Variants in UNC13A observed in about 807,000 individuals in gnomAD.
UNC13A encodes unc-13 homolog A, also known as protein unc-13 homolog A.
UNC13A carries 61 observed loss-of-function variants against 219.7 expected under a neutral mutation model. The ratio of observed to expected loss-of-function variants is 0.28; its 90% confidence interval spans 0.23 to 0.34. The LOEUF is 0.34. Among genes scored for constraint, UNC13A ranks in the 10% least tolerant of loss-of-function variants. The pLI is 1.00. For missense variants in UNC13A, 1,476 were observed against 2,270.3 expected (o/e 0.65, Z 7.11); for synonymous variants, 920 against 884.6 (o/e 1.04, Z -0.71).
rs1796844302 is a variant in UNC13A at position 17,666,716 on chromosome 19, G to A, written c.469-12C>T. The A allele has an allele frequency of 6.6e-7, 1 of 1,515,592 alleles. No individual in the cohort carries two copies. Among genetic ancestry groups the A allele is most frequent in the Admixed American group, 2.0e-5 (1 of 49,520 alleles). 93.9% of individuals were successfully genotyped at this position (1,515,592 alleles called of 1,614,324 possible). A position where few individuals can be genotyped will look rare whatever the true frequency, so the allele number is the denominator to read the frequency against. ...TCTTGGAACGAATACTGAAGGGGTG[G>A]AGGAAGGAGAAAGGGCTTCTCTCAG... On this transcript the variant is annotated splice_polypyrimidine_tract_variant and intron_variant, in intron 6 of 43. Transcript: ENST00000519716.
chr19:17,655,489 G>C (rs1398471580), intron 10 of UNC13A, 107 bp from the exon 11 acceptor site: 2 of 927,978 alleles, frequency 2.2e-6, no homozygotes, highest in Non-Finnish European at 3.3e-6. Flanking sequence ...TGGTATCTCT[G>C]ACCCCTCAGA....
chr19:17,670,573 C>T (rs1054282956), intron 4 of UNC13A, among the ~76,000 whole-genome samples: 11 of 151,440 alleles, frequency 7.3e-5, no homozygotes, highest in African/African-American at 2.4e-4. Context: ...TAGATTGTTG[C>T]AACCATTTCG....
intron 1 of UNC13A, among the ~76,000 whole-genome samples, chr19:17,679,440 G>C (rs1025217870): frequency 1.3e-5 from 2 of 151,182 alleles, no homozygotes; most frequent in Non-Finnish European, 2.9e-5. Flanking sequence ...AAAGAGAGAG[G>C]GGGAAAGATT....
At chr19:17,646,931 C>T (rs1445687207) in intron 17 of UNC13A, among the ~76,000 whole-genome samples, 2 of 152,176 alleles carry the variant, frequency 1.3e-5, no homozygotes, top group Non-Finnish European at 2.9e-5. Flanking sequence ...ACGGCATCTC[C>T]TTCAGGACTC....
At chr19:17,668,429 G>A (rs1241163413) in intron 5 of UNC13A, among the ~76,000 whole-genome samples, 1 of 152,184 alleles carries the variant, frequency 6.6e-6, no homozygotes, top group African/African-American at 2.4e-5. Flanking sequence ...AGGATGACAG[G>A]AGATGGTTCC....
rs1441052909 is a variant in UNC13A, at chr19:17,624,810, G to A, written c.4197+19C>T. The stretch of plus-strand genomic sequence containing the variant: ...GGGAGGTGGCCTAAATGTCCCCTCG[G>A]GCCCCCTGCAGGTCTCACCGTCTGG... On this transcript the variant is annotated intron_variant, in intron 35 of 43. Coordinates refer to ENST00000519716, the MANE Select transcript of UNC13A (RefSeq NM_001080421.3). The A allele has an allele frequency of 1.2e-6, 2 of 1,605,570 alleles. No individual in the cohort carries two copies. The highest frequency in any genetic ancestry group is 1.7e-6 in the Non-Finnish European group (2 of 1,175,154).
chr19:17,657,399 C>T (rs1599387336), intron 9 of UNC13A, among the ~76,000 whole-genome samples: 2 of 152,152 alleles, frequency 1.3e-5, no homozygotes, highest in Admixed American at 1.3e-4. Flanking sequence ...TGTGCAAATG[C>T]CCCCCACTGT....
intron 3 of UNC13A, among the ~76,000 whole-genome samples, chr19:17,673,126 G>A (rs1274961215): frequency 6.6e-6 from 1 of 152,110 alleles, no homozygotes; most frequent in Non-Finnish European, 1.5e-5. Context: ...GGGAGGCCGA[G>A]ATGGGCGGAT....
chr19:17,623,805 G>A (rs1009864511), intron 35 of UNC13A, among the ~76,000 whole-genome samples: 1 of 152,150 alleles, frequency 6.6e-6, no homozygotes, highest in African/African-American at 2.4e-5. Flanking sequence ...TGTGCCCACA[G>A]CCCACATGCC....
chr19:17,648,382 G>A (rs566817955), intron 16 of UNC13A, 49 bp downstream of exon 16: 14 of 1,088,578 alleles, frequency 1.3e-5, no homozygotes, highest in East Asian at 9.4e-5. Context: ...TGCAAGCCCC[G>A]GGGCTCCCCA....
chr19:17,619,020 C>T (rs2076698353), intron 38 of UNC13A, 58 bp from the exon 39 acceptor site: 1 of 1,526,050 alleles, frequency 6.6e-7, no homozygotes, highest in Non-Finnish European at 9.1e-7. Flanking sequence ...GACACTCCAG[C>T]CCCAGAGACC....
chr19:17,622,286 A>C (rs553851065), intron 36 of UNC13A, among the ~76,000 whole-genome samples: 97 of 152,328 alleles, frequency 6.4e-4, no homozygotes, highest in African/African-American at 2.2e-3. Flanking sequence ...TATATTTACT[A>C]TATGACCTTG....
rs1359419349 is a variant in UNC13A at position 17,676,027 on chromosome 19, A to G, written c.37T>C (p.Phe13Leu). The change falls in exon 2 of 44, where the codon TTT becomes CTT. Residue 13 changes from phenylalanine to leucine, a missense_variant. Physicochemically the swap from Phe to Leu is conservative, Grantham distance 22. Coordinates refer to ENST00000519716, the MANE Select transcript of UNC13A (RefSeq NM_001080421.3). ...AGCCACTTACCTTGGGCACCATCAA[A>G]CTTGGCTTTTTTGACTGTGGAGAGA... ...LLCVGVKKAK[F>L]DGAQEKFNTY... 1.2e-5 allele frequency: 19 copies of G among 1,551,436 alleles called. No homozygotes were observed. The highest frequency in any genetic ancestry group is 1.7e-5 in the Non-Finnish European group (19 of 1,146,984).
At chr19:17,638,242 A>G (rs1269078810) in intron 25 of UNC13A, among the ~76,000 whole-genome samples, 3 of 152,132 alleles carry the variant, frequency 2.0e-5, no homozygotes, top group Non-Finnish European at 2.9e-5. Flanking sequence ...TGGGAGGCTG[A>G]GGCAGGAGGA....
At chr19:17,676,242 G>C (rs2079897260) in intron 1 of UNC13A, 1 of 695,906 alleles carries the variant, frequency 1.4e-6, no homozygotes, top group Admixed American at 2.0e-5. Context: ...AGAGACAAGG[G>C]GAGGAGGAGA....
intron 8 of UNC13A, among the ~76,000 whole-genome samples, chr19:17,662,828 G>A (rs2079574734): frequency 6.6e-6 from 1 of 151,520 alleles, no homozygotes; most frequent in Admixed American, 6.6e-5. Flanking sequence ...GCTGAGGCAG[G>A]AGAATGGCGT....
At position 17,674,783 on chromosome 19, in the gene UNC13A, G is replaced by T; in HGVS notation, c.53-27C>A. ...TGTGGCAGTGAGAGTAGGGGTCAGC[G>T]CTGGGGCTCAGGGACTCTCCAATGC... On this transcript the variant is annotated intron_variant, in intron 2 of 43. Coordinates refer to ENST00000519716, the MANE Select transcript of UNC13A (RefSeq NM_001080421.3). The surrounding 1 kb of genome is among the most constrained non-coding windows in gnomAD (Gnocchi z 5.0). 3 of 1,591,620 alleles carry T rather than the reference G, an allele frequency of 1.9e-6. No individual in the cohort carries two copies. Among genetic ancestry groups the T allele is most frequent in the Admixed American group, 3.3e-5 (2 of 59,932 alleles).
intron 3 of UNC13A, among the ~76,000 whole-genome samples, chr19:17,673,375 TATATATATATCTG>T (rs1000592509): frequency 8.2e-6 from 1 of 121,588 alleles, no homozygotes; most frequent in Non-Finnish European, 1.7e-5. Context: ...AAAAAAAAAG[TATATATATATCTG>T]ATATATATAT....
intron 9 of UNC13A, 27 bp from the exon 10 acceptor site, chr19:17,656,425 A>G: frequency 6.8e-7 from 1 of 1,480,004 alleles, no homozygotes; most frequent in African/African-American, 1.4e-5. Context: ...GGGTTCAGGG[A>G]CTGGGGTACC....
Sources: gnomAD v4.1 joint callset for allele counts (sites outside exome capture counted in the v4.1 genomes callset) on GRCh38, gnomAD v4.1.1 for gene constraint, Gnocchi (gnomAD v3.1) non-coding constraint, MANE v1.5 for transcripts, NCBI Gene and HGNC (gene_info 2026-07-23, HGNC 2026-07-21) for gene names.